FGF1: variants seen among roughly 807,000 people sequenced by gnomAD.
FGF1 encodes the protein fibroblast growth factor 1.
In FGF1, 9 loss-of-function variants were observed where a neutral mutation model predicts 13.4. The ratio of observed to expected loss-of-function variants is 0.67; its 90% CI spans 0.40 to 1.17. The LOEUF (loss-of-function observed/expected upper bound fraction) is 1.17. FGF1 is among the 50% of genes most tolerant of loss of function. The probability of loss-of-function intolerance (pLI) is 0.01; values close to 1 mark genes in which losing one functional copy is unlikely to be tolerated. For synonymous variants in FGF1, 93 were observed against 79.0 expected (o/e 1.18, Z -0.94); for missense variants, 156 against 192.7 (o/e 0.81, Z 1.13).
At chr5:142,605,726 C>G (rs1757513653) in intron 2 of FGF1, among the ~76,000 whole-genome samples, 1 of 152,210 alleles carries the variant, frequency 6.6e-6, no homozygotes. Context: ...CTCATTTTCA[C>G]TAGATTTCTT....
chr5:142,620,439 G>T (rs538070497), intron 1 of FGF1, among the ~76,000 whole-genome samples: 1 of 151,956 alleles, frequency 6.6e-6, no homozygotes, highest in Non-Finnish European at 1.5e-5. Flanking sequence ...TTGAAAACTC[G>T]TGTGGCTATA....
At position 142,610,848 on chromosome 5, in the gene FGF1, T is replaced by A. The variant is rs1317458946; in HGVS notation, c.169+3111A>T. Among the ~76,000 whole-genome samples, 8 of 152,094 alleles carry A rather than the reference T, an allele frequency of 5.3e-5. No individual in the cohort carries two copies. In the East Asian group the frequency reaches 1.5e-3, roughly 29 times the overall value. Reference sequence around the variant, plus strand: ...CATCTGCCCTAGGGTTATACCACTATAAGGAAGGTTAGGTACTTGGAAACT... The same window carrying A: ...CATCTGCCCTAGGGTTATACCACTAAAAGGAAGGTTAGGTACTTGGAAACT... On this transcript the variant is annotated intron_variant, in intron 2 of 3. Coordinates refer to ENST00000337706, the MANE Select transcript of FGF1 (RefSeq NM_000800.5).
rs1263442442 is a variant in FGF1, at chr5:142,608,575, TATATATATAC to T, written c.169+5374_169+5383del. The stretch of plus-strand genomic sequence containing the variant: ...ATATATATATATATATATATATATA[TATATATATAC>T]ACACACACACACATATATGTAAATA... On this transcript the variant is annotated intron_variant, in intron 2 of 3. Transcript: ENST00000337706. Among the ~76,000 whole-genome samples, 410 of 87,684 alleles carry T rather than the reference TATATATATAC, an allele frequency of 4.7e-3. 2 individuals are homozygous for T. Among genetic ancestry groups the T allele is most frequent in the East Asian group, 0.018 (38 of 2,106 alleles). The allele number at this position is 87,684 out of a possible 152,430, so 57.5% of individuals were successfully genotyped here. A position where few individuals can be genotyped will look rare whatever the true frequency, so the allele number is the denominator to read the frequency against.
chr5:142,664,403 C>T (rs1769888276), intron 1 of FGF1, among the ~76,000 whole-genome samples: 1 of 152,212 alleles, frequency 6.6e-6, no homozygotes, highest in African/African-American at 2.4e-5. Flanking sequence ...GCCCTGTATT[C>T]TCTGCAAATG....
chr5:142,690,405 A>G (rs12515408), upstream of FGF1, among the ~76,000 whole-genome samples: 974 of 152,336 alleles, frequency 6.4e-3, 26 homozygotes, highest in Admixed American at 0.059. Flanking sequence ...GCACATGATA[A>G]CACTGCACTA....
intron 2 of FGF1, among the ~76,000 whole-genome samples, chr5:142,692,944 T>C (rs1597489672): frequency 6.6e-6 from 1 of 152,258 alleles, no homozygotes; most frequent in East Asian, 1.9e-4. Context: ...AGGAAAACAT[T>C]AGTTAATAAG....
chr5:142,615,166 A>G (rs1759958268), intron 1 of FGF1, among the ~76,000 whole-genome samples: 1 of 152,194 alleles, frequency 6.6e-6, no homozygotes, highest in Admixed American at 6.5e-5. Flanking sequence ...TGGTGACTCT[A>G]AAAACTGAAA....
At chr5:142,695,007 G>A (rs1192141353) in intron 2 of FGF1, among the ~76,000 whole-genome samples, 7 of 152,086 alleles carry the variant, frequency 4.6e-5, no homozygotes, top group African/African-American at 1.7e-4. Context: ...CAGGCAGCAG[G>A]AAATTCTACT....
intron 1 of FGF1, among the ~76,000 whole-genome samples, chr5:142,641,060 G>A (rs892813247): frequency 2.6e-5 from 4 of 152,038 alleles, no homozygotes; most frequent in African/African-American, 7.3e-5. Flanking sequence ...GCAGGGAAGG[G>A]AAAGATAATT....
chr5:142,620,710 T>C (rs1761403544), intron 1 of FGF1, among the ~76,000 whole-genome samples: 1 of 152,186 alleles, frequency 6.6e-6, no homozygotes, highest in Non-Finnish European at 1.5e-5. Flanking sequence ...TATTAATATG[T>C]AGAAGATTGA....
At chr5:142,646,549 C>T (rs766053931) in intron 1 of FGF1, among the ~76,000 whole-genome samples, 167 of 152,188 alleles carry the variant, frequency 1.1e-3, no homozygotes, top group Non-Finnish European at 1.8e-3. Context: ...GGCGGGGTTT[C>T]GCCATGTTGG....
chr5:142,604,454 A>G lies in FGF1; in HGVS notation c.170-3649T>C, dbSNP rs190616738. Among the ~76,000 whole-genome samples the G allele has an allele frequency of 9.6e-4, 146 of 152,314 alleles. 3 individuals are homozygous for G. The highest frequency in any genetic ancestry group is 3.3e-3 in the African/African-American group (139 of 41,576). ...CATGCTAGTTTCTATCTTGATATAA[A>G]CAGTATAAAATTAAAGAGTGTGGGC... On this transcript the variant is annotated intron_variant, in intron 2 of 3. Coordinates refer to ENST00000337706, the MANE Select transcript of FGF1 (RefSeq NM_000800.5).
At chr5:142,678,430 C>T (rs889536922) in intron 1 of FGF1, among the ~76,000 whole-genome samples, 2 of 152,186 alleles carry the variant, frequency 1.3e-5, no homozygotes, top group East Asian at 3.9e-4. Flanking sequence ...CATTCAGGCA[C>T]CTGCAAGGCT....
chr5:142,607,399 A>T (rs1338186954), intron 2 of FGF1, among the ~76,000 whole-genome samples: 3 of 152,250 alleles, frequency 2.0e-5, no homozygotes, highest in African/African-American at 7.2e-5. Context: ...GTGTCTCTCA[A>T]GTATCCCAGG....
At chr5:142,664,250 C>T (rs760479974) in intron 1 of FGF1, among the ~76,000 whole-genome samples, 3 of 152,206 alleles carry the variant, frequency 2.0e-5, no homozygotes, top group Non-Finnish European at 2.9e-5. Context: ...ATAACAAAGG[C>T]GCCCCCCACC....
intron 1 of FGF1, among the ~76,000 whole-genome samples, chr5:142,676,377 A>C (rs947019327): frequency 1.3e-5 from 2 of 152,260 alleles, no homozygotes; most frequent in African/African-American, 4.8e-5. Context: ...TGAGATAGGA[A>C]CAAGTTACAC....
At chr5:142,676,501 T>G (rs1404550751) in intron 1 of FGF1, among the ~76,000 whole-genome samples, 1 of 152,092 alleles carries the variant, frequency 6.6e-6, no homozygotes, top group African/African-American at 2.4e-5. Context: ...ATCAAAGAGG[T>G]TGTGTAACTT....
intron 1 of FGF1, among the ~76,000 whole-genome samples, chr5:142,653,992 T>A (rs1767724730): frequency 6.6e-6 from 1 of 152,174 alleles, no homozygotes; most frequent in South Asian, 2.1e-4. Context: ...CTCGGGAGGC[T>A]GAGGCTGGAT....
upstream of FGF1, among the ~76,000 whole-genome samples, chr5:142,689,549 T>C (rs548299503): frequency 3.9e-5 from 6 of 152,164 alleles, no homozygotes; most frequent in Non-Finnish European, 8.8e-5. Context: ...TCCAATCATA[T>C]GCGCTTGCCC....
Sources: allele counts gnomAD v4.1 joint callset (sites outside exome capture counted in the v4.1 genomes callset), GRCh38; gene constraint gnomAD v4.1.1; transcripts MANE v1.5; gene names NCBI Gene and HGNC (gene_info 2026-07-23, HGNC 2026-07-21).